REPS1: variants seen among roughly 807,000 people sequenced by gnomAD.
REPS1 encodes RALBP1 associated Eps domain containing 1.
A neutral mutation model predicts 100.9 loss-of-function variants in REPS1; 39 were observed. The ratio of observed to expected loss-of-function variants is 0.39; its 90% CI spans 0.30 to 0.50. REPS1 has a LOEUF of 0.50. REPS1 is among the 20% of genes least tolerant of loss of function. The pLI is 0.86. For missense variants in REPS1, 821 were observed against 968.5 expected, an observed-to-expected ratio of 0.85 and a Z score of 2.02; for synonymous variants, 324 against 340.3, an observed-to-expected ratio of 0.95 and a Z score of 0.53.
At chr6:138,932,821 T>C (rs1481698610) in intron 8 of REPS1, among the ~76,000 whole-genome samples, 1 of 152,204 alleles carries the variant, frequency 6.6e-6, no homozygotes, top group African/African-American at 2.4e-5. Flanking sequence ...AGGAAAGCAA[T>C]GTTTTCAGTA....
intron 5 of REPS1, 49 bp from the exon 6 acceptor site, chr6:138,944,064 T>C (rs1782444602): frequency 2.6e-6 from 4 of 1,545,706 alleles, no homozygotes; most frequent in African/African-American, 1.4e-5. Context: ...TACATGATTA[T>C]ATGGACCAAG....
At chr6:138,966,053 C>T (rs1784001796) in intron 1 of REPS1, among the ~76,000 whole-genome samples, 1 of 152,086 alleles carries the variant, frequency 6.6e-6, no homozygotes, top group Non-Finnish European at 1.5e-5. Context: ...TACAGAGAGG[C>T]TCAGTAATTC....
At chr6:138,952,790 T>A (rs1783119015) in intron 1 of REPS1, among the ~76,000 whole-genome samples, 1 of 151,780 alleles carries the variant, frequency 6.6e-6, no homozygotes, top group Non-Finnish European at 1.5e-5. Context: ...AAACTGGATA[T>A]CCATATGAAA....
intron 9 of REPS1, chr6:138,928,496 G>A (rs1369115014): frequency 2.6e-5 from 4 of 151,462 alleles, no homozygotes; most frequent in Non-Finnish European, 5.9e-5. Flanking sequence ...TTCACATATC[G>A]AAAAAAAATT....
At position 138,965,061 on chromosome 6, in the gene REPS1, G is replaced by T. The variant is rs533722693; in HGVS notation, c.154-17148C>A. Among the ~76,000 whole-genome samples the T allele has an allele frequency of 7.2e-5, 11 of 152,214 alleles. No homozygotes were observed. In the East Asian group the frequency reaches 2.1e-3, roughly 29 times the overall value. ...AAAGAGATTCTCCTTAGCAATATGT[G>T]ATTCCTGGTTCTTTAGCTATAAATT... On this transcript the variant is annotated intron_variant, in intron 1 of 19. Transcript: ENST00000450536.
intron 1 of REPS1, among the ~76,000 whole-genome samples, chr6:138,955,201 A>G (rs1332069667): frequency 4.6e-5 from 7 of 151,968 alleles, no homozygotes; most frequent in Non-Finnish European, 4.4e-5. Context: ...TGTAATCCCA[A>G]TATTTTGGGA....
At chr6:138,961,649 G>A (rs1222183346) in intron 1 of REPS1, among the ~76,000 whole-genome samples, 1 of 152,174 alleles carries the variant, frequency 6.6e-6, no homozygotes, top group Non-Finnish European at 1.5e-5. Context: ...CAATGCAAGT[G>A]TCAGCGCAGT....
chr6:138,918,001 A>G (rs1780514021), intron 12 of REPS1, among the ~76,000 whole-genome samples: 1 of 152,188 alleles, frequency 6.6e-6, no homozygotes, highest in Non-Finnish European at 1.5e-5. Flanking sequence ...AAAATAAAGT[A>G]ACATTACAAC....
In REPS1 at chr6:138,912,900, A is replaced by G. The variant is rs1780104054; in HGVS notation, c.1836T>C (p.Thr612=). 6.2e-7 allele frequency: 1 copy of G among 1,614,026 alleles called. No homozygotes were observed. The highest frequency in any genetic ancestry group is 8.5e-7 in the Non-Finnish European group (1 of 1,180,014). ...TCTGCTGAGGTGAGGTACTAGTGTG[A>G]GTTATGAGGCCATCGGCATCCACTG... ...HRPVDADGLI[T]HTSTSPQQIP... Residue 612 remains threonine, a synonymous_variant, in exon 16 of 20, where the codon ACT becomes ACC. Transcript: ENST00000450536.
At chr6:138,968,438 A>G (rs1468135131) in intron 1 of REPS1, among the ~76,000 whole-genome samples, 1 of 152,246 alleles carries the variant, frequency 6.6e-6, no homozygotes, top group Non-Finnish European at 1.5e-5. Flanking sequence ...TTCTTGCCCA[A>G]GGATATTGAC....
At chr6:138,934,330 A>T in intron 8 of REPS1, 3 of 470,850 alleles carry the variant, frequency 6.4e-6, no homozygotes, top group Non-Finnish European at 1.3e-5. Flanking sequence ...ATCAGGGCTG[A>T]AAAAGAAGAG....
chr6:138,923,972 A>T (rs1237725077), intron 10 of REPS1, among the ~76,000 whole-genome samples: 2 of 152,164 alleles, frequency 1.3e-5, no homozygotes, highest in Admixed American at 6.5e-5. Flanking sequence ...TTACTTACTT[A>T]TAATCCTTAT....
At chr6:138,978,352 A>C (rs1215529007) in intron 1 of REPS1, among the ~76,000 whole-genome samples, 1 of 150,408 alleles carries the variant, frequency 6.6e-6, no homozygotes, top group Non-Finnish European at 1.5e-5. Flanking sequence ...CCATTGGCGC[A>C]ATCTCGGGTC....
At chr6:138,925,623 T>G (rs1781064401) in intron 10 of REPS1, among the ~76,000 whole-genome samples, 1 of 151,530 alleles carries the variant, frequency 6.6e-6, no homozygotes, top group Non-Finnish European at 1.5e-5. Context: ...CTCCCTCTTT[T>G]CTTTTTGGAA....
Position 138,937,055 on chromosome 6 carries a change from G to A in REPS1, c.1135+4280C>T, listed in dbSNP as rs566209665. ...CACAATCATGGTGGAAGGCAAGGAG[G>A]AGCAAGTCACATCTTACATGGATGG... is the stretch of plus-strand genomic sequence containing the variant. On this transcript the variant is annotated intron_variant, in intron 8 of 19. Transcript: ENST00000450536. Among the ~76,000 whole-genome samples the A allele has an allele frequency of 1.6e-3, 248 of 152,240 alleles. No individual in the cohort carries two copies. The Middle Eastern group carries it at 0.031, about 19-fold the overall frequency.
At chr6:138,943,604 T>C (rs1782408295) in intron 6 of REPS1, 28 bp from the exon 7 acceptor site, 2 of 1,501,042 alleles carry the variant, frequency 1.3e-6, no homozygotes, top group African/African-American at 1.4e-5. Flanking sequence ...TGTTGTTTAA[T>C]GTTATTCTGA....
intron 1 of REPS1, among the ~76,000 whole-genome samples, chr6:138,949,720 C>T (rs1034800416): frequency 1.1e-5 from 1 of 89,556 alleles, no homozygotes; most frequent in Non-Finnish European, 2.3e-5. Context: ...ACTGAAACTC[C>T]ATCTCATAAA....
In REPS1 at chr6:138,917,558, T is replaced by G. The variant is rs759344632; in HGVS notation, c.1598A>C (p.Gln533Pro). The change falls in exon 13 of 20, where the codon CAA becomes CCA. Residue 533 changes from glutamine to proline, a missense_variant. Gln to Pro is a moderately conservative substitution (Grantham distance 76). Around this residue, in one of 3 missense-constraint regions of REPS1, gnomAD observed 757 missense variants for 866.4 expected, o/e 0.87. Coordinates refer to ENST00000450536, the MANE Select transcript of REPS1 (RefSeq NM_001286611.2). ...TTTCATTGACAGAAATACTGACCTTTGACGAGTTACATTGCTCCCGATCTG... is the reference window on the plus strand; with the variant it reads ...TTTCATTGACAGAAATACTGACCTTGGACGAGTTACATTGCTCCCGATCTG... ...PEQIGSNVTRQRSHSGTSPDN... is the reference protein window; with the variant it reads ...PEQIGSNVTRPRSHSGTSPDN... 7 of 1,611,886 alleles carry G rather than the reference T, an allele frequency of 4.3e-6. No homozygotes were observed. The highest frequency in any genetic ancestry group is 5.9e-6 in the Non-Finnish European group (7 of 1,178,124).
At chr6:138,974,494 A>G (rs1435472843) in intron 1 of REPS1, among the ~76,000 whole-genome samples, 4 of 152,226 alleles carry the variant, frequency 2.6e-5, no homozygotes, top group Admixed American at 6.5e-5. Context: ...TTATACAAAT[A>G]GCTAAAACCT....
Sources: allele counts gnomAD v4.1 joint callset (sites outside exome capture counted in the v4.1 genomes callset), GRCh38; gene constraint gnomAD v4.1.1; regional missense constraint gnomAD v4.1.1; transcripts MANE v1.5; gene names NCBI Gene and HGNC (gene_info 2026-07-23, HGNC 2026-07-21).